PLXDC2: variants seen among roughly 807,000 people sequenced by gnomAD.
The protein encoded by PLXDC2 is plexin domain containing 2.
In PLXDC2, 40 loss-of-function variants were observed where a neutral mutation model predicts 68.9. The observed-to-expected ratio is 0.58, with a 90% CI of 0.45 to 0.76. The LOEUF is 0.76. PLXDC2 is among the 30% of genes least tolerant of loss of function. The pLI, the probability that PLXDC2 is intolerant of heterozygous loss-of-function variation, is 0.00. For missense variants in PLXDC2, 644 were observed against 661.9 expected (o/e 0.97, Z 0.30); for synonymous variants, 243 against 234.2 (o/e 1.04, Z -0.34).
At chr10:20,107,357 C>T (rs1005365088) in intron 4 of PLXDC2, among the ~76,000 whole-genome samples, 3 of 151,906 alleles carry the variant, frequency 2.0e-5, no homozygotes, top group Non-Finnish European at 2.9e-5. Context: ...AAATATTCCT[C>T]GAAGGCTGAA....
intron 9 of PLXDC2, among the ~76,000 whole-genome samples, chr10:20,183,907 G>C (rs998120794): frequency 4.0e-5 from 6 of 151,838 alleles, no homozygotes; most frequent in Non-Finnish European, 7.4e-5. Context: ...TTAGTCTTTT[G>C]GTGCCTCACT....
chr10:20,013,017 C>T (rs1020288044), intron 2 of PLXDC2, among the ~76,000 whole-genome samples: 25 of 152,120 alleles, frequency 1.6e-4, no homozygotes, highest in Admixed American at 1.6e-3. Context: ...CAAACTATTA[C>T]GGCTGGAACT....
chr10:20,025,766 G>A (rs1835389700), intron 2 of PLXDC2, among the ~76,000 whole-genome samples: 3 of 151,910 alleles, frequency 2.0e-5, no homozygotes, highest in African/African-American at 7.2e-5. Flanking sequence ...TCAACAGTAA[G>A]TTCCTTATAC....
intron 2 of PLXDC2, among the ~76,000 whole-genome samples, chr10:20,029,216 G>A (rs898645891): frequency 6.6e-6 from 1 of 151,922 alleles, no homozygotes; most frequent in Admixed American, 6.6e-5. Context: ...CTTGTCTTTA[G>A]TTCAGCGGTT....
At chr10:20,026,883 T>C (rs1480246700) in intron 2 of PLXDC2, among the ~76,000 whole-genome samples, 2 of 141,506 alleles carry the variant, frequency 1.4e-5, no homozygotes, top group African/African-American at 2.6e-5. Context: ...TTTTATAATA[T>C]ATTCTAATAT....
intron 2 of PLXDC2, among the ~76,000 whole-genome samples, chr10:20,042,510 G>A (rs1249211246): frequency 6.6e-6 from 1 of 151,976 alleles, no homozygotes; most frequent in Non-Finnish European, 1.5e-5. Context: ...ATCTTACTAA[G>A]AATTTTCATT....
intron 10 of PLXDC2, among the ~76,000 whole-genome samples, chr10:20,213,608 GA>G (rs1279863965): frequency 6.6e-6 from 1 of 151,970 alleles, no homozygotes. Context: ...ATTAAATTAT[GA>G]ATTAGATCAC....
intron 7 of PLXDC2, among the ~76,000 whole-genome samples, chr10:20,176,539 G>A (rs1834529368): frequency 6.6e-6 from 1 of 152,040 alleles, no homozygotes; most frequent in Admixed American, 6.6e-5. Context: ...TATTGAAGAA[G>A]TTTATTCTAA....
Position 19,978,099 on chromosome 10 carries a change from T to A in PLXDC2, c.113-23676T>A, listed in dbSNP as rs528903736. On this transcript the variant is annotated intron_variant, in intron 1 of 13. Coordinates refer to ENST00000377252, the MANE Select transcript of PLXDC2 (RefSeq NM_032812.9). The stretch of plus-strand genomic sequence containing the variant: ...CCTGTGAGCAAATCAGCATTCTATT[T>A]TTCTGGAGGCTAGACTTTGTATCTC... Among the ~76,000 whole-genome samples, 32 of 152,324 alleles carry A rather than the reference T, an allele frequency of 2.1e-4. 1 individual carries two copies. Among genetic ancestry groups the A allele is most frequent in the Admixed American group, 1.9e-3 (29 of 15,302 alleles).
chr10:19,840,934 A>G (rs1393647571), intron 1 of PLXDC2, among the ~76,000 whole-genome samples: 1 of 152,196 alleles, frequency 6.6e-6, no homozygotes, highest in Non-Finnish European at 1.5e-5. Context: ...TCAGAAAGCA[A>G]TTACACTAAT....
chr10:19,973,566 A>C (rs1337389620), intron 1 of PLXDC2, among the ~76,000 whole-genome samples: 1 of 152,128 alleles, frequency 6.6e-6, no homozygotes, highest in Non-Finnish European at 1.5e-5. Context: ...AACACACACA[A>C]AAAATTGCTT....
chr10:20,233,672 T>C (rs1588533741), intron 12 of PLXDC2, among the ~76,000 whole-genome samples: 1 of 152,196 alleles, frequency 6.6e-6, no homozygotes, highest in Non-Finnish European at 1.5e-5. Context: ...CTGTGTGCTC[T>C]TTATCACCCT....
chr10:20,283,473 A>G lies in PLXDC2; in HGVS notation c.*3654A>G, dbSNP rs1836107782. The G allele has an allele frequency of 6.6e-6, 1 of 152,238 alleles. No individual in the cohort carries two copies. The highest frequency in any genetic ancestry group is 1.5e-5 in the Non-Finnish European group (1 of 68,042). 9.4% of individuals were successfully genotyped at this position (152,238 alleles called of 1,614,324 possible). A position where few individuals can be genotyped will look rare whatever the true frequency, so the allele number is the denominator to read the frequency against. On this transcript the variant is annotated 3_prime_UTR_variant, in exon 14 of 14. Coordinates refer to ENST00000377252, the MANE Select transcript of PLXDC2 (RefSeq NM_032812.9). ...CAAAGGAAGAATAGTTCATCAGTGC[A>G]AAAAGCGTTCAAAGGTAATCAGTTC...
intron 1 of PLXDC2, among the ~76,000 whole-genome samples, chr10:19,949,263 C>A (rs1833957077): frequency 6.6e-6 from 1 of 151,846 alleles, no homozygotes; most frequent in African/African-American, 2.4e-5. Flanking sequence ...GCATTCTACA[C>A]ATCAAAATAC....
At chr10:19,917,177 G>A (rs1042863522) in intron 1 of PLXDC2, among the ~76,000 whole-genome samples, 1 of 152,136 alleles carries the variant, frequency 6.6e-6, no homozygotes, top group African/African-American at 2.4e-5. Context: ...AGTGTCATAA[G>A]CATTGAGTCT....
chr10:20,013,235 G>T (rs1835147835), intron 2 of PLXDC2, among the ~76,000 whole-genome samples: 2 of 151,968 alleles, frequency 1.3e-5, no homozygotes, highest in South Asian at 4.2e-4. Context: ...CTTTTATTTT[G>T]AATTCACAGT....
rs1189899769 is a variant in PLXDC2, at chr10:20,044,207, CTCTGTCTT to C, written c.325-2658_325-2651del. Among the ~76,000 whole-genome samples, 154 of 90,000 alleles carry C rather than the reference CTCTGTCTT, an allele frequency of 1.7e-3. 3 individuals are homozygous for C. Among genetic ancestry groups the C allele is most frequent in the South Asian group, 2.8e-3 (6 of 2,176 alleles). 59.0% of individuals were successfully genotyped at this position (90,000 alleles called of 152,430 possible). Reference sequence around the variant, plus strand: ...TTTCTTTCTTTCTCTCTCTCTCTCTCTCTGTCTTTCTTTCTTTCTTTCTTTCTTTCTTT... The same window carrying C: ...TTTCTTTCTTTCTCTCTCTCTCTCTCTCTTTCTTTCTTTCTTTCTTTCTTT... On this transcript the variant is annotated intron_variant, in intron 2 of 13. Coordinates refer to ENST00000377252, the MANE Select transcript of PLXDC2 (RefSeq NM_032812.9).
intron 11 of PLXDC2, among the ~76,000 whole-genome samples, chr10:20,218,211 C>A (rs1329461180): frequency 1.3e-5 from 2 of 152,028 alleles, no homozygotes; most frequent in East Asian, 3.9e-4. Context: ...CTGAATGATA[C>A]CACCAGGAGG....
intron 1 of PLXDC2, among the ~76,000 whole-genome samples, chr10:19,832,706 G>A (rs1274395780): frequency 3.3e-5 from 5 of 152,180 alleles, no homozygotes; most frequent in Non-Finnish European, 7.3e-5. Flanking sequence ...ATTTACAAGA[G>A]GCTATGTGCA....
Sources: allele counts gnomAD v4.1 joint callset (sites outside exome capture counted in the v4.1 genomes callset), GRCh38; gene constraint gnomAD v4.1.1; transcripts MANE v1.5; gene names NCBI Gene and HGNC (gene_info 2026-07-23, HGNC 2026-07-21).